The following ATRNL1 variants were observed in gnomAD, a reference collection of about 807,000 sequenced individuals.
The protein encoded by ATRNL1 is attractin like 1, also known as attractin-like protein 1.
ATRNL1 carries 95 observed loss-of-function variants against 182.7 expected under a neutral mutation model. That is an observed-to-expected ratio of 0.52 (90% CI 0.44 to 0.62). The LOEUF (loss-of-function observed/expected upper bound fraction) is 0.62, where lower values mean the gene tolerates loss of function less well. Ranked by LOEUF, ATRNL1 falls within the 20% of genes least tolerant of loss-of-function variation. The probability of loss-of-function intolerance (pLI) is 0.00; values close to 1 mark genes in which losing one functional copy is unlikely to be tolerated. For missense variants in ATRNL1, 1,471 were observed against 1,679.5 expected, an observed-to-expected ratio of 0.88 and a Z score of 2.17; for synonymous variants, 576 against 568.3, an observed-to-expected ratio of 1.01 and a Z score of -0.19.
chr10:115,916,566 A>T (rs181539167), intron 28 of ATRNL1, among the ~76,000 whole-genome samples: 3 of 152,236 alleles, frequency 2.0e-5, no homozygotes, highest in Non-Finnish European at 4.4e-5. Context: ...AGGTTATAGC[A>T]CTTGGCTGCA....
intron 9 of ATRNL1, among the ~76,000 whole-genome samples, chr10:115,224,025 T>G (rs1849598051): frequency 6.8e-6 from 1 of 146,932 alleles, no homozygotes; most frequent in African/African-American, 2.5e-5. Flanking sequence ...AACCTCTGCC[T>G]CTCAGGTTCA....
At chr10:115,831,134 C>T (rs191572970) in intron 27 of ATRNL1, among the ~76,000 whole-genome samples, 51 of 152,246 alleles carry the variant, frequency 3.3e-4, no homozygotes, top group Non-Finnish European at 6.5e-4. Flanking sequence ...TCCAGAAACA[C>T]GGATGGGCTG....
chr10:115,662,085 A>T (rs1022624831), intron 26 of ATRNL1, among the ~76,000 whole-genome samples: 2 of 151,870 alleles, frequency 1.3e-5, no homozygotes, highest in African/African-American at 2.4e-5. Context: ...AGCTTCATCC[A>T]TGTCCCTACA....
At chr10:115,708,412 T>A (rs1472696858) in intron 26 of ATRNL1, among the ~76,000 whole-genome samples, 1 of 151,752 alleles carries the variant, frequency 6.6e-6, no homozygotes. Context: ...ACAATCACTT[T>A]AAAAAGTGTG....
chr10:115,247,027 C>G (rs1850674525), intron 10 of ATRNL1, among the ~76,000 whole-genome samples: 1 of 152,090 alleles, frequency 6.6e-6, no homozygotes, highest in East Asian at 1.9e-4. Context: ...CTAGACCCTC[C>G]CCTCTAAACT....
chr10:115,657,923 T>A (rs954921320), intron 26 of ATRNL1, among the ~76,000 whole-genome samples: 1 of 152,100 alleles, frequency 6.6e-6, no homozygotes, highest in African/African-American at 2.4e-5. Context: ...ATCAAACTTA[T>A]GTAATAACAT....
chr10:115,436,584 G>T (rs1554964856), intron 21 of ATRNL1, among the ~76,000 whole-genome samples: 1 of 151,982 alleles, frequency 6.6e-6, no homozygotes, highest in African/African-American at 2.4e-5. Context: ...ATAATTTTCA[G>T]CATGGATAGT....
intron 8 of ATRNL1, among the ~76,000 whole-genome samples, chr10:115,201,964 T>A (rs1554892504): frequency 6.6e-6 from 1 of 152,092 alleles, no homozygotes; most frequent in African/African-American, 2.4e-5. Context: ...GTAAGTTGGA[T>A]TCCTAAGTAT....
chr10:115,369,625 T>C (rs1313793199), intron 19 of ATRNL1, among the ~76,000 whole-genome samples: 1 of 152,158 alleles, frequency 6.6e-6, no homozygotes, highest in East Asian at 1.9e-4. Flanking sequence ...AAAGGTCCAT[T>C]TTCAGTTTTC....
intron 26 of ATRNL1, among the ~76,000 whole-genome samples, chr10:115,685,042 A>G (rs781823156): frequency 1.1e-4 from 16 of 151,784 alleles, no homozygotes; most frequent in Non-Finnish European, 2.2e-4. Flanking sequence ...ATTTCCAATC[A>G]TAAATCCATG....
At chr10:115,105,944 G>T (rs1843991427) in intron 1 of ATRNL1, among the ~76,000 whole-genome samples, 1 of 152,180 alleles carries the variant, frequency 6.6e-6, no homozygotes, top group Non-Finnish European at 1.5e-5. Context: ...GTCCCTACTG[G>T]AACATTGCCT....
chr10:115,781,235 A>G (rs1165668572), intron 27 of ATRNL1, among the ~76,000 whole-genome samples: 1 of 152,212 alleles, frequency 6.6e-6, no homozygotes, highest in Non-Finnish European at 1.5e-5. Context: ...GCACCCATAA[A>G]TCTCACACAT....
intron 27 of ATRNL1, among the ~76,000 whole-genome samples, chr10:115,764,130 G>A (rs2960706): frequency 0.96 from 146,065 of 152,286 alleles, 70,326 homozygotes; most frequent in East Asian, 1. Context: ...GAACAACTAC[G>A]TTTTTAAAAA....
chr10:115,323,682 G>T (rs1484035858), intron 18 of ATRNL1, among the ~76,000 whole-genome samples: 1 of 152,030 alleles, frequency 6.6e-6, no homozygotes, highest in Non-Finnish European at 1.5e-5. Flanking sequence ...GACCTCAGGT[G>T]ATCTGCCCAC....
rs114398585 is a variant in ATRNL1 at position 115,580,863 on chromosome 10, G to A, written c.3795+31327G>A. ...TATTGATTTTTTCAATTCAGTCATT[G>A]TAATCTTCAACTCTATGATTTCTGT... On this transcript the variant is annotated intron_variant, in intron 26 of 28. Coordinates refer to ENST00000355044, the MANE Select transcript of ATRNL1 (RefSeq NM_207303.4). Among the ~76,000 whole-genome samples, 1,017 of 151,960 alleles carry A rather than the reference G, an allele frequency of 6.7e-3. 6 individuals carry two copies. The highest frequency in any genetic ancestry group is 0.022 in the African/African-American group (914 of 41,450).
intron 26 of ATRNL1, among the ~76,000 whole-genome samples, chr10:115,584,466 G>A (rs1855366858): frequency 7.1e-6 from 1 of 141,140 alleles, no homozygotes; most frequent in South Asian, 2.6e-4. Context: ...CTTCTTCTTG[G>A]TTTAGTCTTG....
intron 28 of ATRNL1, chr10:115,909,469 A>G (rs1952603807): frequency 6.6e-6 from 1 of 152,076 alleles, no homozygotes; most frequent in Non-Finnish European, 1.5e-5. Context: ...ATCAGATCCC[A>G]TCCTGACCTT....
At chr10:115,233,138 G>C (rs189747773) in intron 9 of ATRNL1, among the ~76,000 whole-genome samples, 1 of 151,946 alleles carries the variant, frequency 6.6e-6, no homozygotes, top group Non-Finnish European at 1.5e-5. Flanking sequence ...GTGTCTGAAC[G>C]TGGCCTTCTT....
At chr10:115,289,257 C>G (rs1301700803) in intron 15 of ATRNL1, among the ~76,000 whole-genome samples, 1 of 152,120 alleles carries the variant, frequency 6.6e-6, no homozygotes, top group Non-Finnish European at 1.5e-5. Context: ...CCATCAGATC[C>G]CTCCCACAAC....
Sources: gnomAD v4.1 joint callset for allele counts (sites outside exome capture counted in the v4.1 genomes callset) on GRCh38, gnomAD v4.1.1 for gene constraint, MANE v1.5 for transcripts, NCBI Gene and HGNC (gene_info 2026-07-23, HGNC 2026-07-21) for gene names.